Variants in NCOA3 observed in about 807,000 individuals in gnomAD.
The protein encoded by NCOA3 is nuclear receptor coactivator 3, also known as CBP-interacting protein.
A neutral mutation model predicts 158.8 loss-of-function variants in NCOA3; 51 were observed. The ratio of observed to expected loss-of-function variants is 0.32; its 90% CI spans 0.26 to 0.41. NCOA3 has a LOEUF of 0.41. NCOA3 is among the 10% of genes least tolerant of loss of function. The pLI is 1.00. For missense variants in NCOA3, 1,510 were observed against 1,746.6 expected, an observed-to-expected ratio of 0.86 and a Z score of 2.41; for synonymous variants, 537 against 592.4, an observed-to-expected ratio of 0.91 and a Z score of 1.36.
intron 1 of NCOA3, among the ~76,000 whole-genome samples, chr20:47,544,855 C>T (rs1255210536): frequency 6.6e-6 from 1 of 152,036 alleles, no homozygotes; most frequent in Admixed American, 6.6e-5. Flanking sequence ...TATTTAATGC[C>T]CACTACCATT....
At chr20:47,502,924 G>A (rs1011627587) in intron 1 of NCOA3, among the ~76,000 whole-genome samples, 2 of 152,008 alleles carry the variant, frequency 1.3e-5, no homozygotes, top group Admixed American at 1.3e-4. Flanking sequence ...ATTCCCAAAT[G>A]GAATGACACG....
At chr20:47,523,356 G>T (rs2084376471) in intron 1 of NCOA3, among the ~76,000 whole-genome samples, 1 of 152,136 alleles carries the variant, frequency 6.6e-6, no homozygotes, top group South Asian at 2.1e-4. Flanking sequence ...GCTCCTTCTG[G>T]GGTTGATCCA....
intron 2 of NCOA3, among the ~76,000 whole-genome samples, chr20:47,586,818 T>C (rs1458193875): frequency 2.6e-5 from 4 of 152,246 alleles, no homozygotes; most frequent in South Asian, 2.1e-4. Flanking sequence ...TAAGATGTTA[T>C]GGATTCTTGG....
chr20:47,507,320 G>T (rs1319312083), intron 1 of NCOA3, among the ~76,000 whole-genome samples: 1 of 152,180 alleles, frequency 6.6e-6, no homozygotes, highest in African/African-American at 2.4e-5. Context: ...AGTTGTTCAT[G>T]AACCTTCCAT....
chr20:47,631,447 T>C (rs2086416918), intron 8 of NCOA3: 1 of 152,252 alleles, frequency 6.6e-6, no homozygotes, highest in African/African-American at 2.4e-5. Context: ...ACCACCCTAG[T>C]GCTGCTTAGA....
intron 2 of NCOA3, among the ~76,000 whole-genome samples, chr20:47,590,600 T>A (rs1018657942): frequency 6.6e-6 from 1 of 152,022 alleles, no homozygotes; most frequent in African/African-American, 2.4e-5. Flanking sequence ...TATTAAAAAA[T>A]AACACCAGCC....
At chr20:47,564,762 G>A (rs74852230) in intron 1 of NCOA3, among the ~76,000 whole-genome samples, 355 of 152,196 alleles carry the variant, frequency 2.3e-3, no homozygotes, top group Non-Finnish European at 3.4e-3. Flanking sequence ...CTGAATGCTT[G>A]GAAGGGTTGT....
At chr20:47,571,977 C>T (rs2085302180) in intron 1 of NCOA3, among the ~76,000 whole-genome samples, 1 of 152,198 alleles carries the variant, frequency 6.6e-6, no homozygotes, top group Non-Finnish European at 1.5e-5. Flanking sequence ...ATCTGCCTGC[C>T]TTGGCCTCCC....
Position 47,636,016 on chromosome 20 carries a change from C to T in NCOA3, c.1630C>T (p.Pro544Ser), listed in dbSNP as rs113650666. The T allele has an allele frequency of 6.1e-5, 99 of 1,614,084 alleles. 4 individuals are homozygous for T. The African/African-American group carries it at 6.5e-4, about 11-fold the overall frequency. Residue 544 changes from proline (P) to serine (S), a missense_variant, in exon 12 of 23, where the codon CCA becomes TCA. By Grantham distance (74) the Pro-to-Ser change is moderately conservative. Transcript: ENST00000371998. The part of the protein sequence containing the change: ...GTSLLSTLSS[P>S]GPKLDNSPNM... ...TTCCCTTTTATCTACTCTGTCATCA[C>T]CAGGCCCCAAATTGGATAACTCTCC... is the stretch of plus-strand genomic sequence containing the variant.
chr20:47,591,456 C>T (rs947418883), intron 2 of NCOA3, among the ~76,000 whole-genome samples: 2 of 152,118 alleles, frequency 1.3e-5, no homozygotes, highest in South Asian at 2.1e-4. Context: ...AGGGAAGCAT[C>T]GGAGAGTAGC....
intron 1 of NCOA3, among the ~76,000 whole-genome samples, chr20:47,575,532 A>C (rs1356639784): frequency 6.6e-6 from 1 of 152,168 alleles, no homozygotes; most frequent in Non-Finnish European, 1.5e-5. Context: ...TGCTATATAA[A>C]CTTTAAACAC....
intron 17 of NCOA3, among the ~76,000 whole-genome samples, 197 bp from the exon 18 acceptor site, chr20:47,646,870 AACTTTT>A (rs751756402): frequency 1.7e-4 from 26 of 152,180 alleles, no homozygotes; most frequent in Non-Finnish European, 3.2e-4. Context: ...TCAGAATATC[AACTTTT>A]ACTTCTTTTT....
chr20:47,577,831 C>G (rs1344684972), intron 1 of NCOA3, among the ~76,000 whole-genome samples: 1 of 152,186 alleles, frequency 6.6e-6, no homozygotes, highest in Non-Finnish European at 1.5e-5. Flanking sequence ...TATGAATTTT[C>G]AGGCTGATTC....
chr20:47,634,390 A>C (rs762487860), intron 10 of NCOA3, among the ~76,000 whole-genome samples, 195 bp downstream of exon 10: 10 of 152,222 alleles, frequency 6.6e-5, no homozygotes, highest in Non-Finnish European at 1.2e-4. Context: ...TTATTTATTA[A>C]ATACTTTACA....
At position 47,558,868 on chromosome 20, in the gene NCOA3, C is replaced by T. The variant is rs558500688; in HGVS notation, c.-98-24315C>T. 2.4e-3 allele frequency among the ~76,000 whole-genome samples: 346 copies of T among 142,668 alleles called. 2 individuals carry two copies. The highest frequency in any genetic ancestry group is 2.4e-3 in the Non-Finnish European group (159 of 65,984). 93.6% of individuals were successfully genotyped at this position (142,668 alleles called of 152,430 possible). ...CCATATCCACAACCTCCATGATTTCCTTGATAGGCTCTGTTTTAAATCCTC... is the reference window on the plus strand; with the variant it reads ...CCATATCCACAACCTCCATGATTTCTTTGATAGGCTCTGTTTTAAATCCTC... On this transcript the variant is annotated intron_variant, in intron 1 of 22. Coordinates refer to ENST00000371998, the MANE Select transcript of NCOA3 (RefSeq NM_181659.3).
rs2086254110 is a variant in NCOA3, at chr20:47,622,291, C to CACGAAA, written c.48_53dup (p.Arg18_Lys19dup). On this transcript the variant is annotated inframe_insertion, in exon 3 of 23. Coordinates refer to ENST00000371998, the MANE Select transcript of NCOA3 (RefSeq NM_181659.3). Reference sequence around the variant, plus strand: ...AACTTGGATCCACTGGCCAGTGATTCACGAAAACGCAAATTGCCATGTGAT... The same window carrying CACGAAA: ...AACTTGGATCCACTGGCCAGTGATTCACGAAAACGAAAACGCAAATTGCCATGTGAT... 2.5e-6 allele frequency: 4 copies of CACGAAA among 1,606,698 alleles called. No homozygotes were observed. Among genetic ancestry groups the CACGAAA allele is most frequent in the Admixed American group, 1.7e-5 (1 of 58,626 alleles).
At chr20:47,553,909 T>G (rs1253935356) in intron 1 of NCOA3, among the ~76,000 whole-genome samples, 1 of 152,212 alleles carries the variant, frequency 6.6e-6, no homozygotes, top group Admixed American at 6.5e-5. Flanking sequence ...TTTGGGTATA[T>G]GCCCAGTAAT....
At chr20:47,548,848 T>G (rs1329016424) in intron 1 of NCOA3, among the ~76,000 whole-genome samples, 1 of 152,206 alleles carries the variant, frequency 6.6e-6, no homozygotes, top group African/African-American at 2.4e-5. Flanking sequence ...TGAAATAATA[T>G]CTGTGAGGTC....
At chr20:47,626,505 T>C (rs955812073) in intron 5 of NCOA3, among the ~76,000 whole-genome samples, 16 of 151,142 alleles carry the variant, frequency 1.1e-4, no homozygotes, top group African/African-American at 2.2e-4. Context: ...TTCTTTTTTT[T>C]TCCCCCCAGT....
Sources: gnomAD v4.1 joint callset for allele counts (sites outside exome capture counted in the v4.1 genomes callset) on GRCh38, gnomAD v4.1.1 for gene constraint, MANE v1.5 for transcripts, NCBI Gene and HGNC (gene_info 2026-07-23, HGNC 2026-07-21) for gene names.